PUDP: variants seen among roughly 807,000 people sequenced by gnomAD.
PUDP encodes the protein pseudouridine 5'-phosphatase, also known as pseudouridine-5'-phosphatase.
In PUDP, 8 loss-of-function variants were observed where a neutral mutation model predicts 9.4. That is an observed-to-expected ratio of 0.85 (90% CI 0.50 to 1.53). The LOEUF is 1.53. Among genes scored for constraint, PUDP ranks in the 40% most tolerant of loss-of-function variants. The probability of loss-of-function intolerance (pLI) is 0.00; values close to 1 mark genes in which losing one functional copy is unlikely to be tolerated. For synonymous variants in PUDP, 99 were observed against 80.7 expected (o/e 1.23, Z -1.22); for missense variants, 188 against 189.7 (o/e 0.99, Z 0.05).
chrX:7,071,612 A>G (rs1401329105), intron 3 of PUDP, among the ~76,000 whole-genome samples: 1 of 110,680 alleles, frequency 9.0e-6, no homozygotes, highest in Non-Finnish European at 1.9e-5. Flanking sequence ...CAGTTCCCCT[A>G]TGATGCTCTA....
intron 3 of PUDP, among the ~76,000 whole-genome samples, chrX:6,728,464 A>G (rs1834665068): frequency 1.8e-5 from 2 of 111,779 alleles, no homozygotes. Flanking sequence ...TTACAGCAAC[A>G]TGCTTATGCT....
chrX:7,106,908 A>G (rs751547796), intron 1 of PUDP, among the ~76,000 whole-genome samples: 1 of 111,867 alleles, frequency 8.9e-6, no homozygotes, highest in Non-Finnish European at 1.9e-5. Context: ...AACCCAGGTA[A>G]GCTCCATGGA....
At chrX:6,738,487 T>C in intron 3 of PUDP, among the ~76,000 whole-genome samples, 1 of 111,887 alleles carries the variant, frequency 8.9e-6, no homozygotes, top group Non-Finnish European at 1.9e-5. Flanking sequence ...TCTCCAAGCG[T>C]GGAATCCAGG....
At chrX:7,003,955 C>A (rs1242229531) in intron 1 of PUDP, among the ~76,000 whole-genome samples, 1 of 111,381 alleles carries the variant, frequency 9.0e-6, no homozygotes, top group Non-Finnish European at 1.9e-5. Context: ...CAGCTCATTG[C>A]AACCTGTGCC....
At chrX:6,885,251 T>A (rs1353268850) in intron 3 of PUDP, among the ~76,000 whole-genome samples, 1 of 111,997 alleles carries the variant, frequency 8.9e-6, no homozygotes, top group Non-Finnish European at 1.9e-5. Context: ...CTGCTGTCTC[T>A]ATGTCCATGG....
At chrX:6,733,556 G>A (rs1482541671) in intron 3 of PUDP, among the ~76,000 whole-genome samples, 4 of 109,917 alleles carry the variant, frequency 3.6e-5, no homozygotes, top group Non-Finnish European at 7.6e-5. Context: ...GGCTCCCTTC[G>A]GCTGCTGTGC....
At chrX:6,939,350 TATA>T (rs1197465318) in intron 3 of PUDP, among the ~76,000 whole-genome samples, 5 of 106,732 alleles carry the variant, frequency 4.7e-5, no homozygotes, top group African/African-American at 1.7e-4. Flanking sequence ...ATATTGTAAA[TATA>T]ATATTTAATG....
chrX:7,060,574 C>T (rs1342649312), intron 3 of PUDP, among the ~76,000 whole-genome samples: 1 of 112,045 alleles, frequency 8.9e-6, no homozygotes, highest in African/African-American at 3.2e-5. Flanking sequence ...ACTGAGGCCT[C>T]TCAGGCATGG....
intron 1 of PUDP, chrX:7,147,730 G>A (rs987587724): frequency 4.4e-5 from 5 of 112,746 alleles, no homozygotes; most frequent in African/African-American, 1.6e-4. Context: ...GAGAGGACGC[G>A]GAGCCGCGCG....
intron 1 of PUDP, among the ~76,000 whole-genome samples, chrX:7,024,295 C>G (rs1430376153): frequency 1.8e-5 from 2 of 111,478 alleles, no homozygotes; most frequent in East Asian, 2.8e-4. Flanking sequence ...AAGTTTTTAC[C>G]ATTAACAAGA....
intron 3 of PUDP, among the ~76,000 whole-genome samples, chrX:6,914,838 C>G (rs926564838): frequency 1.8e-5 from 2 of 112,464 alleles, no homozygotes; most frequent in Non-Finnish European, 3.8e-5. Context: ...TGTGCTCTCA[C>G]GTCGATATAA....
intron 3 of PUDP, among the ~76,000 whole-genome samples, chrX:7,068,703 G>A (rs1337979251): frequency 8.9e-6 from 1 of 112,334 alleles, no homozygotes; most frequent in Non-Finnish European, 1.9e-5. Context: ...GGTGCCTGGA[G>A]GGACAGGAGC....
downstream of PUDP, among the ~76,000 whole-genome samples, chrX:7,048,043 T>G (rs894467845): frequency 8.9e-6 from 1 of 112,176 alleles, no homozygotes; most frequent in Admixed American, 9.5e-5. Flanking sequence ...TCCAGATTAT[T>G]TTTTTATATA....
At chrX:7,102,418 T>C (rs73192637) in intron 2 of PUDP, among the ~76,000 whole-genome samples, 23,686 of 104,676 alleles carry the variant, frequency 0.23, 2,281 homozygotes, top group Admixed American at 0.4. Flanking sequence ...AAATTAAGGA[T>C]AGAAAAAAAA....
chrX:7,004,000 T>C (rs1160768061), intron 1 of PUDP, among the ~76,000 whole-genome samples: 1 of 111,075 alleles, frequency 9.0e-6, no homozygotes, highest in African/African-American at 3.3e-5. Context: ...CTTGCTCTCC[T>C]GAGTAGCTGG....
At chrX:7,080,255 A>G (rs1931042391) in intron 2 of PUDP, among the ~76,000 whole-genome samples, 1 of 112,485 alleles carries the variant, frequency 8.9e-6, no homozygotes, top group Non-Finnish European at 1.9e-5. Context: ...TTTGAAAGAT[A>G]TAAAACTCCC....
chrX:6,806,057 A>G (rs1926046282), intron 3 of PUDP, among the ~76,000 whole-genome samples: 1 of 110,943 alleles, frequency 9.0e-6, no homozygotes, highest in Admixed American at 9.6e-5. Flanking sequence ...GGCACTTTGC[A>G]GTACAGCACA....
intron 2 of PUDP, among the ~76,000 whole-genome samples, chrX:7,083,952 C>T (rs1931189542): frequency 9.0e-6 from 1 of 110,655 alleles, no homozygotes; most frequent in African/African-American, 3.3e-5. Flanking sequence ...ATTTTTAAAA[C>T]ATTGACAATA....
chrX:6,865,362 T>C (rs1927063341), intron 3 of PUDP, among the ~76,000 whole-genome samples: 6 of 112,335 alleles, frequency 5.3e-5, no homozygotes, highest in Admixed American at 4.7e-4. Context: ...TTCTAACATA[T>C]CTTTCTAAAT....
Sources: gnomAD v4.1 joint callset for allele counts (sites outside exome capture counted in the v4.1 genomes callset) on GRCh38, gnomAD v4.1.1 for gene constraint, MANE v1.5 for transcripts, NCBI Gene and HGNC (gene_info 2026-07-23, HGNC 2026-07-21) for gene names.